KIF17: variants seen among roughly 807,000 people sequenced by gnomAD.
KIF17 encodes the protein kinesin-like protein KIF17.
Under a neutral mutation model 96.8 loss-of-function variants are expected in KIF17, and 80 were observed. That is an observed-to-expected ratio of 0.83 (90% CI 0.69 to 1.00). KIF17 has a LOEUF of 1.00. Ranked by LOEUF, KIF17 falls within the 50% of genes least tolerant of loss-of-function variation. The pLI, the probability that KIF17 is intolerant of heterozygous loss-of-function variation, is 0.00. For synonymous variants in KIF17, 567 were observed against 587.5 expected (o/e 0.97, Z 0.51); for missense variants, 1,280 against 1,372.9 (o/e 0.93, Z 1.07).
In KIF17 at chr1:20,664,205, C is replaced by T; in HGVS notation, c.*379G>A. ...TCCTTCCCAGCTGATATTGAGCTTC[C>T]TCCACGTGGCAGCTGCTGCCCTCTC... On this transcript the variant is annotated 3_prime_UTR_variant, in exon 15 of 15. Coordinates refer to ENST00000400463, the MANE Select transcript of KIF17 (RefSeq NM_001122819.3). The T allele has an allele frequency of 2.0e-6, 1 of 491,262 alleles. No homozygotes were observed. The highest frequency in any genetic ancestry group is 3.2e-6 in the Non-Finnish European group (1 of 314,492). 30.4% of individuals were successfully genotyped at this position (491,262 alleles called of 1,614,324 possible).
intron 10 of KIF17, among the ~76,000 whole-genome samples, chr1:20,683,791 C>T (rs556302925): frequency 2.0e-4 from 31 of 152,382 alleles, no homozygotes; most frequent in Non-Finnish European, 3.1e-4. Flanking sequence ...CTTTCACTCA[C>T]GGCTGGCACG....
intron 11 of KIF17, among the ~76,000 whole-genome samples, chr1:20,682,137 ATGCACACACATACAACATACCCGCATGCG>A (rs942885306): frequency 4.6e-5 from 7 of 151,654 alleles, no homozygotes; most frequent in South Asian, 2.1e-4. Flanking sequence ...ACCCGCATGC[ATGCACACACATACAACATACCCGCATGCG>A]TGCACACACA....
chr1:20,715,508 C>G lies in KIF17; in HGVS notation c.363G>C (p.Val121=). Residue 121 remains valine, a synonymous_variant, in exon 2 of 15, where the codon GTG becomes GTC. Coordinates refer to ENST00000400463, the MANE Select transcript of KIF17 (RefSeq NM_001122819.3). ...RGIIPRAFEH[V]FESVQCAENT... is the part of the protein sequence containing the mutation. ...AGGCCCGTACCTGGACGCTCTCGAA[C>G]ACGTGCTCGAAGGCCCTGGGGATGA... is the stretch of plus-strand genomic sequence containing the variant. 1 of 1,613,230 alleles carries G rather than the reference C, an allele frequency of 6.2e-7. No individual in the cohort carries two copies. The highest frequency in any genetic ancestry group is 1.1e-5 in the South Asian group (1 of 91,080).
intron 11 of KIF17, among the ~76,000 whole-genome samples, chr1:20,673,208 T>C (rs533941541): frequency 2.8e-4 from 42 of 152,132 alleles, no homozygotes; most frequent in African/African-American, 1.0e-3. Flanking sequence ...AGTGAGACTC[T>C]GTCTCAAAAT....
At position 20,682,852 on chromosome 1, in the gene KIF17, C is replaced by T; in HGVS notation, c.2264G>A (p.Gly755Glu). 1 of 1,611,826 alleles carries T rather than the reference C, an allele frequency of 6.2e-7. No homozygotes were observed. The change falls in exon 11 of 15, where the codon GGA becomes GAA. Residue 755 changes from glycine to glutamate, a missense_variant. Gly to Glu is a moderately conservative substitution (Grantham distance 98). Coordinates refer to ENST00000400463, the MANE Select transcript of KIF17 (RefSeq NM_001122819.3). ...CAGGTCCTTGTTCTTGGCCTGCTCT[C>T]CACCCACAACCTGCTGCTCCAACAG... ...LQLLEQQVVG[G>E]EQAKNKDLKE...
intron 13 of KIF17, among the ~76,000 whole-genome samples, chr1:20,666,950 T>A (rs2053540321): frequency 6.6e-6 from 1 of 152,308 alleles, no homozygotes; most frequent in African/African-American, 2.4e-5. Context: ...TGACCCAGAC[T>A]GCACCAATCA....
Position 20,689,472 on chromosome 1 carries a change from G to A in KIF17, c.1381+716C>T, listed in dbSNP as rs199723042. On this transcript the variant is annotated intron_variant, in intron 7 of 14. Transcript: ENST00000400463. ...TCGAGACCAGCCTGGCCAACATGACGAAATCCCGTCTCTACTGAAAACACA... is the reference window on the plus strand; with the variant it reads ...TCGAGACCAGCCTGGCCAACATGACAAAATCCCGTCTCTACTGAAAACACA... Among the ~76,000 whole-genome samples, 64 of 152,238 alleles carry A rather than the reference G, an allele frequency of 4.2e-4. No individual in the cohort carries two copies. The East Asian group carries it at 0.012, about 28-fold the overall frequency.
At chr1:20,676,598 AGGT>A (rs1402482655) in intron 11 of KIF17, among the ~76,000 whole-genome samples, 1 of 152,226 alleles carries the variant, frequency 6.6e-6, no homozygotes, top group African/African-American at 2.4e-5. Flanking sequence ...TGGGAGGCCA[AGGT>A]GGGGCGGATC....
At chr1:20,717,351 G>C in intron 1 of KIF17, 125 bp downstream of exon 1, 7 of 1,071,372 alleles carry the variant, frequency 6.5e-6, no homozygotes, top group Non-Finnish European at 9.4e-6. Flanking sequence ...GGACCTACCT[G>C]TTCCCGTCCG....
At chr1:20,673,533 A>ATTTT (rs35306944) in intron 11 of KIF17, among the ~76,000 whole-genome samples, 55 of 134,786 alleles carry the variant, frequency 4.1e-4, no homozygotes, top group Non-Finnish European at 5.9e-4. Context: ...AGCCTGCTCC[A>ATTTT]TTTTTTTTTT....
intron 11 of KIF17, among the ~76,000 whole-genome samples, chr1:20,673,687 G>A (rs79986377): frequency 1.3e-5 from 2 of 151,796 alleles, no homozygotes; most frequent in South Asian, 2.1e-4. Context: ...GAGTCACCAC[G>A]CTCAGCTCAT....
downstream of KIF17, chr1:20,661,646 C>G: frequency 2.0e-6 from 1 of 503,294 alleles, no homozygotes. Context: ...TCAACGAGGC[C>G]GAGCGCCCTT....
At chr1:20,690,370 A>G in intron 6 of KIF17, 35 bp from the exon 7 acceptor site, 1 of 1,583,396 alleles carries the variant, frequency 6.3e-7, no homozygotes, top group Non-Finnish European at 8.6e-7. Flanking sequence ...GGCAGGCAGC[A>G]TTTTATCATC....
intron 11 of KIF17, among the ~76,000 whole-genome samples, chr1:20,682,034 C>T (rs1385054160): frequency 2.0e-5 from 3 of 152,204 alleles, no homozygotes; most frequent in African/African-American, 7.2e-5. Context: ...GTATTCTCTT[C>T]ACAGTACTGA....
Position 20,685,331 on chromosome 1 carries a change from A to C in KIF17, c.2020-311T>G. The C allele has an allele frequency of 1.9e-6, 1 of 534,604 alleles. No individual in the cohort carries two copies. The highest frequency in any genetic ancestry group is 3.6e-6 in the Non-Finnish European group (1 of 280,446). The allele number at this position is 534,604 out of a possible 1,614,324, so 33.1% of individuals were successfully genotyped here. On this transcript the variant is annotated intron_variant, in intron 9 of 14. Coordinates refer to ENST00000400463, the MANE Select transcript of KIF17 (RefSeq NM_001122819.3). The surrounding 1 kb of genome is among the most constrained non-coding windows in gnomAD (Gnocchi z 4.1). ...TCACATCCCGTTCCCGATGAGCCCC[A>C]TGTGACTTCCCGTCACGTTCGCAGG...
rs926674591 is a variant in KIF17, at chr1:20,704,026, C to T, written c.1123+421G>A. Among the ~76,000 whole-genome samples, 10 of 152,142 alleles carry T rather than the reference C, an allele frequency of 6.6e-5. No individual in the cohort carries two copies. The highest frequency in any genetic ancestry group is 5.2e-4 in the Admixed American group (8 of 15,292). ...GCCAGGTGACAGGCAAATGCCAGGG[C>T]GCAAAAGCTGCAGTAACAAGGTGCC... On this transcript the variant is annotated intron_variant, in intron 5 of 14. Coordinates refer to ENST00000400463, the MANE Select transcript of KIF17 (RefSeq NM_001122819.3). The surrounding 1 kb of genome is among the most constrained non-coding windows in gnomAD (Gnocchi z 6.8).
chr1:20,704,140 C>CGGGGGTGTGGTG lies in KIF17; in HGVS notation c.1123+295_1123+306dup, dbSNP rs905654906. ...CGACAATGCCACAGACAGCAGCAGA[C>CGGGGGTGTGGTG]GGGGGTGTGGTGGGGGGTGTGGTGG... On this transcript the variant is annotated intron_variant, in intron 5 of 14. Coordinates refer to ENST00000400463, the MANE Select transcript of KIF17 (RefSeq NM_001122819.3). This position sits in a 1 kb window ranked among gnomAD's most constrained non-coding sequence, Gnocchi z 6.8. Among the ~76,000 whole-genome samples the CGGGGGTGTGGTG allele has an allele frequency of 1.7e-3, 5 of 3,016 alleles. No individual in the cohort carries two copies. Among genetic ancestry groups the CGGGGGTGTGGTG allele is most frequent in the Middle Eastern group, 0.071 (1 of 14 alleles). 2.0% of individuals were successfully genotyped at this position (3,016 alleles called of 152,430 possible).
At chr1:20,703,080 T>C (rs918336989) in intron 5 of KIF17, among the ~76,000 whole-genome samples, 1 of 151,824 alleles carries the variant, frequency 6.6e-6, no homozygotes, top group Admixed American at 6.6e-5. Flanking sequence ...GTAGGGTGGA[T>C]GGGGTGGGTG....
At chr1:20,673,822 C>G (rs1207963707) in intron 11 of KIF17, among the ~76,000 whole-genome samples, 1 of 152,074 alleles carries the variant, frequency 6.6e-6, no homozygotes, top group African/African-American at 2.4e-5. Context: ...AGCCACCGCG[C>G]CCGGCCCTGC....
Sources: allele counts gnomAD v4.1 joint callset (sites outside exome capture counted in the v4.1 genomes callset), GRCh38; gene constraint gnomAD v4.1.1; non-coding constraint Gnocchi (gnomAD v3.1); transcripts MANE v1.5; gene names NCBI Gene and HGNC (gene_info 2026-07-23, HGNC 2026-07-21).